Variants in SNTB1 observed in about 807,000 individuals in gnomAD.
The protein encoded by SNTB1 is syntrophin beta 1, also known as beta-1-syntrophin.
In SNTB1, 36 loss-of-function variants were observed where a neutral mutation model predicts 48.9. The ratio of observed to expected loss-of-function variants is 0.74; its 90% confidence interval spans 0.56 to 0.97. The LOEUF (loss-of-function observed/expected upper bound fraction) is 0.97. Among genes scored for constraint, SNTB1 ranks in the 50% least tolerant of loss-of-function variants. The pLI is 0.00. For missense variants in SNTB1, 786 were observed against 703.4 expected, an observed-to-expected ratio of 1.12 and a Z score of -1.33; for synonymous variants, 299 against 294.6, an observed-to-expected ratio of 1.01 and a Z score of -0.15.
At chr8:120,791,086 A>G (rs1820023106) in intron 1 of SNTB1, among the ~76,000 whole-genome samples, 1 of 151,946 alleles carries the variant, frequency 6.6e-6, no homozygotes, top group African/African-American at 2.4e-5. Flanking sequence ...CAACCAAAAC[A>G]GCATGGTGCT....
chr8:120,698,271 A>T (rs1294085786), intron 1 of SNTB1, among the ~76,000 whole-genome samples: 1 of 152,150 alleles, frequency 6.6e-6, no homozygotes, highest in Non-Finnish European at 1.5e-5. Flanking sequence ...TCTGCTTTTC[A>T]CTAGTATTGG....
intron 1 of SNTB1, among the ~76,000 whole-genome samples, chr8:120,711,566 C>T (rs1762050449): frequency 6.6e-6 from 1 of 152,184 alleles, no homozygotes; most frequent in African/African-American, 2.4e-5. Context: ...AGGTGTTTTG[C>T]ACCAAAGAAT....
intron 1 of SNTB1, among the ~76,000 whole-genome samples, chr8:120,730,803 A>C (rs1182400005): frequency 6.6e-6 from 1 of 152,144 alleles, no homozygotes; most frequent in Admixed American, 6.6e-5. Flanking sequence ...AGTTTAGCAC[A>C]GTGCCTGCCA....
At chr8:120,759,270 A>G (rs1563592681) in intron 1 of SNTB1, among the ~76,000 whole-genome samples, 1 of 152,202 alleles carries the variant, frequency 6.6e-6, no homozygotes, top group Non-Finnish European at 1.5e-5. Context: ...TACTTGAAAT[A>G]CCTTCAGAGG....
chr8:120,731,844 T>C (rs1192316699), intron 1 of SNTB1, among the ~76,000 whole-genome samples: 1 of 152,240 alleles, frequency 6.6e-6, no homozygotes, highest in African/African-American at 2.4e-5. Flanking sequence ...TTATGACTTG[T>C]TGAATTTTTA....
At chr8:120,675,023 G>A (rs1367881761) in intron 2 of SNTB1, among the ~76,000 whole-genome samples, 1 of 152,178 alleles carries the variant, frequency 6.6e-6, no homozygotes, top group East Asian at 1.9e-4. Context: ...TTTAGACCCA[G>A]AAGGAAAGAA....
At chr8:120,675,195 A>C (rs896683978) in intron 2 of SNTB1, among the ~76,000 whole-genome samples, 5 of 152,198 alleles carry the variant, frequency 3.3e-5, no homozygotes, top group African/African-American at 1.2e-4. Context: ...AAAGAAAGTA[A>C]CATGGCAGCC....
intron 2 of SNTB1, among the ~76,000 whole-genome samples, chr8:120,643,323 T>C (rs1183792339): frequency 6.6e-6 from 1 of 152,270 alleles, no homozygotes; most frequent in African/African-American, 2.4e-5. Flanking sequence ...TTTGGTTACA[T>C]GGATAAGTTC....
intron 1 of SNTB1, among the ~76,000 whole-genome samples, chr8:120,730,818 T>C (rs1316115707): frequency 6.6e-6 from 1 of 152,002 alleles, no homozygotes; most frequent in Non-Finnish European, 1.5e-5. Flanking sequence ...CTGCCATGGG[T>C]TTGCTTAATA....
chr8:120,589,898 T>A (rs941538367), intron 3 of SNTB1, among the ~76,000 whole-genome samples: 1 of 152,176 alleles, frequency 6.6e-6, no homozygotes, highest in South Asian at 2.1e-4. Flanking sequence ...TACCCAGAAT[T>A]TACTCTTTCC....
intron 3 of SNTB1, among the ~76,000 whole-genome samples, chr8:120,594,295 T>C (rs557817997): frequency 6.6e-6 from 1 of 152,238 alleles, no homozygotes; most frequent in East Asian, 1.9e-4. Context: ...TGGAGTGCAA[T>C]GGTGCAGTCT....
intron 3 of SNTB1, among the ~76,000 whole-genome samples, chr8:120,587,118 G>A (rs1816156654): frequency 6.6e-6 from 1 of 152,188 alleles, no homozygotes. Flanking sequence ...CTACTTGGGA[G>A]GTTGAGGCAG....
At chr8:120,686,357 C>T (rs62526756) in intron 2 of SNTB1, among the ~76,000 whole-genome samples, 8,075 of 152,218 alleles carry the variant, frequency 0.053, 312 homozygotes, top group Admixed American at 0.08. Flanking sequence ...GGAGACTGGA[C>T]AGTCCAAGAT....
chr8:120,576,374 T>G (rs181908549), intron 3 of SNTB1, among the ~76,000 whole-genome samples: 32 of 152,246 alleles, frequency 2.1e-4, no homozygotes, highest in Non-Finnish European at 4.0e-4. Flanking sequence ...TCTAGTCTTA[T>G]TATTACTTTA....
At chr8:120,676,704 G>C (rs751589374) in intron 2 of SNTB1, among the ~76,000 whole-genome samples, 21 of 152,156 alleles carry the variant, frequency 1.4e-4, no homozygotes, top group Admixed American at 3.3e-4. Context: ...AACAGAAATA[G>C]CTGGATAACT....
intron 3 of SNTB1, among the ~76,000 whole-genome samples, chr8:120,621,147 A>G (rs191694409): frequency 6.6e-6 from 1 of 151,906 alleles, no homozygotes; most frequent in African/African-American, 2.4e-5. Context: ...TTCAGTAGAG[A>G]CGAGGTTTCA....
At chr8:120,654,870 T>G (rs1817472389) in intron 2 of SNTB1, 1 of 410,042 alleles carries the variant, frequency 2.4e-6, no homozygotes, top group African/African-American at 2.1e-5. Context: ...AACAAAAGTT[T>G]CAAGTGACCT....
At chr8:120,581,221 T>A (rs1230380500) in intron 3 of SNTB1, among the ~76,000 whole-genome samples, 2 of 152,076 alleles carry the variant, frequency 1.3e-5, no homozygotes, top group South Asian at 2.1e-4. Context: ...AAGTGCTCTA[T>A]GGGAGCCTCA....
At chr8:120,756,483 G>A (rs982709386) in intron 1 of SNTB1, among the ~76,000 whole-genome samples, 3 of 152,112 alleles carry the variant, frequency 2.0e-5, no homozygotes, top group Admixed American at 2.0e-4. Flanking sequence ...TTGGGAGGGG[G>A]AATTAACCTG....
Sources: allele counts gnomAD v4.1 joint callset (sites outside exome capture counted in the v4.1 genomes callset), GRCh38; gene constraint gnomAD v4.1.1; transcripts MANE v1.5; gene names NCBI Gene and HGNC (gene_info 2026-07-23, HGNC 2026-07-21).